The following TAF1 variants were observed in gnomAD, a reference collection of about 807,000 sequenced individuals.
TAF1 encodes TATA-box binding protein associated factor 1, also known as transcription initiation factor TFIID subunit 1.
A neutral mutation model predicts 138.5 loss-of-function variants in TAF1; 2 were observed. That is an observed-to-expected ratio of 0.01 (90% CI 0.01 to 0.05). TAF1 has a LOEUF of 0.05. TAF1 is among the 10% of genes least tolerant of loss of function. TAF1 has a pLI of 1.00. For missense variants in TAF1, 709 were observed against 1,478.0 expected, an observed-to-expected ratio of 0.48 and a Z score of 8.53; for synonymous variants, 437 against 503.2, an observed-to-expected ratio of 0.87 and a Z score of 1.76.
intron 13 of TAF1, among the ~76,000 whole-genome samples, chrX:71,473,854 C>G (rs2038933044): frequency 9.0e-6 from 1 of 110,939 alleles, no homozygotes; most frequent in African/African-American, 3.3e-5. Flanking sequence ...GATTATGAAA[C>G]AGGTCCTCTG....
Position 71,390,424 on chromosome X carries a change from T to C in TAF1, c.2781+759T>C, listed in dbSNP as rs187150869. Among the ~76,000 whole-genome samples, 40 of 112,310 alleles carry C rather than the reference T, an allele frequency of 3.6e-4. 1 individual carries two copies. The highest frequency in any genetic ancestry group is 1.1e-3 in the African/African-American group (34 of 31,009). ...CCATTTGACTCTCATCTACAAGTTA[T>C]TTTCTCTGGGAAGCTTTCCTGGACT... is the stretch of plus-strand genomic sequence containing the variant. On this transcript the variant is annotated intron_variant, in intron 18 of 37. Coordinates refer to ENST00000423759, the MANE Select transcript of TAF1 (RefSeq NM_004606.5).
intron 13 of TAF1, among the ~76,000 whole-genome samples, chrX:71,483,511 C>T (rs1569395444): frequency 9.5e-6 from 1 of 105,104 alleles, no homozygotes; most frequent in Non-Finnish European, 1.9e-5. Context: ...CCCCTGAGAG[C>T]AGGAGGTTGA....
At chrX:71,508,957 C>G (rs925041465) in intron 13 of TAF1, among the ~76,000 whole-genome samples, 2 of 109,191 alleles carry the variant, frequency 1.8e-5, no homozygotes, top group African/African-American at 6.7e-5. Context: ...TGGGAGCGTG[C>G]CACCACAGCC....
At chrX:71,455,737 GTTCTCTGAGACCCT>G (rs1421704140) in intron 34 of TAF1, among the ~76,000 whole-genome samples, 3 of 112,102 alleles carry the variant, frequency 2.7e-5, no homozygotes, top group Non-Finnish European at 5.6e-5. Context: ...ATCTTTATCT[GTTCTCTGAGACCCT>G]TTCAAATTTA....
At chrX:71,410,126 T>C (rs1023972491) in intron 28 of TAF1, among the ~76,000 whole-genome samples, 2 of 109,646 alleles carry the variant, frequency 1.8e-5, no homozygotes, top group Admixed American at 2.0e-4. Flanking sequence ...CTCCTGACCT[T>C]GTGATCCACC....
At chrX:71,370,592 C>T (rs1208982083) in intron 3 of TAF1, among the ~76,000 whole-genome samples, 2 of 111,564 alleles carry the variant, frequency 1.8e-5, no homozygotes, top group Non-Finnish European at 3.8e-5. Context: ...TCAGGTAATC[C>T]GCCCACCTTT....
intron 32 of TAF1, among the ~76,000 whole-genome samples, chrX:71,452,055 G>A (rs1292747347): frequency 1.9e-5 from 2 of 107,789 alleles, no homozygotes; most frequent in South Asian, 4.1e-4. Flanking sequence ...AGGGGCGGCC[G>A]GGCAGAGGCA....
At chrX:71,395,003 G>T (rs889308881) in intron 22 of TAF1, among the ~76,000 whole-genome samples, 1 of 112,425 alleles carries the variant, frequency 8.9e-6, no homozygotes, top group African/African-American at 3.2e-5. Context: ...GGCCTTAAAT[G>T]TGCATTTTCT....
In TAF1 at chrX:71,381,895, C is replaced by G; in HGVS notation, c.1513C>G (p.Pro505Ala). 1 of 1,165,323 alleles carries G rather than the reference C, an allele frequency of 8.6e-7. No homozygotes were observed. The highest frequency in any genetic ancestry group is 1.1e-6 in the Non-Finnish European group (1 of 872,647). Residue 505 changes from proline to alanine, a missense_variant, in exon 9 of 38, where the codon CCC becomes GCC. Coordinates refer to ENST00000423759, the MANE Select transcript of TAF1 (RefSeq NM_004606.5). ...GGAACCTCCTGTTTTGACACTTGAT[C>G]CCAATGATGAGAACCTCATTTTGGG... Reference protein sequence around the residue: ...LLEPPVLTLDPNDENLILEIP... With the variant: ...LLEPPVLTLDANDENLILEIP...
intron 32 of TAF1, chrX:71,441,667 C>A (rs1156573854): frequency 3.3e-6 from 1 of 302,916 alleles, no homozygotes; most frequent in South Asian, 3.0e-5. Flanking sequence ...TTTCTCCTAT[C>A]TAGCTATAAT....
At chrX:71,409,670 G>C (rs1238225549) in intron 28 of TAF1, among the ~76,000 whole-genome samples, 1 of 110,985 alleles carries the variant, frequency 9.0e-6, no homozygotes, top group Non-Finnish European at 1.9e-5. Flanking sequence ...AGTACTACGT[G>C]AATTTTAAAA....
At chrX:71,386,637 G>A (rs2034247168) in intron 14 of TAF1, among the ~76,000 whole-genome samples, 1 of 112,065 alleles carries the variant, frequency 8.9e-6, no homozygotes, top group Admixed American at 9.5e-5. Flanking sequence ...GCTAATTATT[G>A]TATTTTCTGT....
At chrX:71,384,551 A>G (rs1378201851) in intron 13 of TAF1, among the ~76,000 whole-genome samples, 1 of 110,550 alleles carries the variant, frequency 9.0e-6, no homozygotes, top group Non-Finnish European at 1.9e-5. Flanking sequence ...GCTGGACTAC[A>G]GGCGTGTGCC....
chrX:71,383,920 G>A (rs1302599875), intron 12 of TAF1, 42 bp from the exon 13 acceptor site: 1 of 1,179,620 alleles, frequency 8.5e-7, no homozygotes, highest in South Asian at 1.9e-5. Context: ...GTGTAGTAGT[G>A]TCCTGTCAGG....
chrX:71,489,898 C>T (rs2039244163), intron 13 of TAF1, among the ~76,000 whole-genome samples: 2 of 111,520 alleles, frequency 1.8e-5, no homozygotes, highest in Non-Finnish European at 3.8e-5. Context: ...GAATGCGTCC[C>T]TTCTAAAATT....
At chrX:71,379,103 T>A in intron 8 of TAF1, 72 bp downstream of exon 8, 1 of 822,290 alleles carries the variant, frequency 1.2e-6, no homozygotes, top group Non-Finnish European at 1.6e-6. Flanking sequence ...GGCTCAGCTG[T>A]GATTTTTTTT....
intron 13 of TAF1, among the ~76,000 whole-genome samples, chrX:71,504,741 C>CAA (rs41370846): frequency 0.013 from 77 of 5,708 alleles, 11 homozygotes; most frequent in Non-Finnish European, 0.016. Flanking sequence ...GACCCTGTCT[C>CAA]AAAAAAAAAA....
intron 28 of TAF1, among the ~76,000 whole-genome samples, chrX:71,409,596 C>T (rs1412818953): frequency 9.0e-6 from 1 of 111,283 alleles, no homozygotes; most frequent in African/African-American, 3.3e-5. Flanking sequence ...ATTGAGTTAC[C>T]ATAGACAAGT....
At chrX:71,407,693 A>G in intron 27 of TAF1, 21 bp downstream of exon 27, 1 of 1,181,575 alleles carries the variant, frequency 8.5e-7, no homozygotes, top group South Asian at 1.8e-5. Context: ...TGCATTGGAT[A>G]TCTATAGTAG....
Sources: gnomAD v4.1 joint callset for allele counts (sites outside exome capture counted in the v4.1 genomes callset) on GRCh38, gnomAD v4.1.1 for gene constraint, MANE v1.5 for transcripts, NCBI Gene and HGNC (gene_info 2026-07-23, HGNC 2026-07-21) for gene names.